PARVB: variants seen among roughly 807,000 people sequenced by gnomAD.
PARVB encodes beta-parvin.
In PARVB, 46 loss-of-function variants were observed where a neutral mutation model predicts 47.0. The observed-to-expected ratio is 0.98, with a 90% confidence interval of 0.77 to 1.25. PARVB has a LOEUF of 1.25. PARVB is among the 50% of genes most tolerant of loss of function. PARVB has a pLI of 0.00. For missense variants in PARVB, 473 were observed against 471.6 expected, an observed-to-expected ratio of 1.00 and a Z score of -0.03; for synonymous variants, 196 against 196.3, an observed-to-expected ratio of 1.00 and a Z score of 0.01.
intron 1 of PARVB, among the ~76,000 whole-genome samples, chr22:44,061,917 A>G (rs901772700): frequency 9.2e-5 from 14 of 152,144 alleles, no homozygotes; most frequent in African/African-American, 3.1e-4. Flanking sequence ...ACACCCAGTC[A>G]GATTCTTTGC....
At chr22:44,102,305 A>T (rs1302164630) in intron 3 of PARVB, among the ~76,000 whole-genome samples, 1 of 152,162 alleles carries the variant, frequency 6.6e-6, no homozygotes, top group Non-Finnish European at 1.5e-5. Context: ...TCAAATGCTC[A>T]TCTCCTCTGA....
intron 4 of PARVB, among the ~76,000 whole-genome samples, chr22:44,127,780 C>T (rs2053220620): frequency 3.0e-5 from 1 of 32,794 alleles, no homozygotes; most frequent in Non-Finnish European, 6.9e-5. Context: ...TGAGGAGTCC[C>T]TCTTCTTTTT....
chr22:44,006,232 C>T (rs1373378720), intron 2 of PARVB, among the ~76,000 whole-genome samples: 1 of 152,200 alleles, frequency 6.6e-6, no homozygotes, highest in Non-Finnish European at 1.5e-5. Flanking sequence ...ATTACAGGCA[C>T]AAGGCACCAC....
At chr22:44,165,970 G>C (rs938259662) in intron 12 of PARVB, among the ~76,000 whole-genome samples, 17 of 152,192 alleles carry the variant, frequency 1.1e-4, no homozygotes, top group African/African-American at 4.1e-4. Flanking sequence ...GCTTGGCTGG[G>C]GCTTCCTTTA....
chr22:44,048,648 G>A (rs1209388062), intron 1 of PARVB, among the ~76,000 whole-genome samples: 1 of 152,108 alleles, frequency 6.6e-6, no homozygotes, highest in Non-Finnish European at 1.5e-5. Flanking sequence ...TGTAACCTCC[G>A]CCTCCAGGCT....
chr22:44,020,673 G>A (rs2050636573), upstream of PARVB, among the ~76,000 whole-genome samples: 1 of 152,154 alleles, frequency 6.6e-6, no homozygotes, highest in African/African-American at 2.4e-5. Context: ...GGAAGAGACT[G>A]GTAGGGCAAG....
intron 1 of PARVB, among the ~76,000 whole-genome samples, chr22:44,081,819 GT>G (rs2051907735): frequency 6.6e-6 from 1 of 152,116 alleles, no homozygotes; most frequent in Non-Finnish European, 1.5e-5. Flanking sequence ...TTTCTTTTGG[GT>G]TTCACACCCT....
chr22:44,002,796 A>G (rs577930789), intron 2 of PARVB, among the ~76,000 whole-genome samples: 4 of 152,080 alleles, frequency 2.6e-5, no homozygotes, highest in Admixed American at 6.5e-5. Flanking sequence ...TGTTTTCAAG[A>G]ATGAAAAATG....
chr22:44,126,124 G>C (rs1347398125), intron 4 of PARVB, among the ~76,000 whole-genome samples: 1 of 152,186 alleles, frequency 6.6e-6, no homozygotes, highest in Non-Finnish European at 1.5e-5. Context: ...AGGCTGCAGT[G>C]TACGTGTGAA....
At chr22:44,127,218 C>CAAGTGGT (rs1344026495) in intron 4 of PARVB, among the ~76,000 whole-genome samples, 1 of 151,378 alleles carries the variant, frequency 6.6e-6, no homozygotes, top group Non-Finnish European at 1.5e-5. Context: ...TCTAAAATCT[C>CAAGTGGT]TTGAGTGTCA....
chr22:44,054,993 A>C (rs1481348885), intron 1 of PARVB, among the ~76,000 whole-genome samples: 1 of 98,322 alleles, frequency 1.0e-5, no homozygotes, highest in East Asian at 2.7e-4. Flanking sequence ...TCCATCTCAA[A>C]AAAAAAAAAA....
At chr22:44,122,487 CAAGAGAGAGA>C (rs1569134070) in intron 4 of PARVB, among the ~76,000 whole-genome samples, 1 of 64,412 alleles carries the variant, frequency 1.6e-5, no homozygotes, top group African/African-American at 5.7e-5. Context: ...CCCTGTCGAT[CAAGAGAGAGA>C]GAGAGAGAGA....
intron 10 of PARVB, 82 bp downstream of exon 10, chr22:44,151,633 C>A: frequency 9.2e-7 from 1 of 1,089,146 alleles, no homozygotes; most frequent in Non-Finnish European, 1.4e-6. Flanking sequence ...GGCGCGTGAA[C>A]AAAGCTGGCG....
At chr22:44,156,804 G>A (rs551521396) in intron 10 of PARVB, among the ~76,000 whole-genome samples, 19 of 152,254 alleles carry the variant, frequency 1.2e-4, no homozygotes, top group African/African-American at 3.4e-4. Context: ...TTCCACTTAC[G>A]TGAGATACCC....
At chr22:44,118,315 T>C (rs1186423042) in intron 3 of PARVB, among the ~76,000 whole-genome samples, 2 of 152,190 alleles carry the variant, frequency 1.3e-5, no homozygotes, top group Non-Finnish European at 2.9e-5. Context: ...AGGGCAGACA[T>C]CATCGGCTCC....
chr22:44,024,445 C>T lies in PARVB; in HGVS notation c.106C>T (p.Arg36Cys). ...CACCCTGGCCAGGAAGCGGAGGGCG[C>T]GCGAGGGTGAGTGCGCGCCCGCGCC... ...GGTLARKRRA[R>C]EVSDLQEEGK... Residue 36 changes from arginine to cysteine, a missense_variant, in exon 1 of 13, where the codon CGC (arginine) becomes TGC (cysteine). Coordinates refer to ENST00000338758, the MANE Select transcript of PARVB (RefSeq NM_013327.5). 8.4e-7 allele frequency: 1 copy of T among 1,184,714 alleles called. No individual in the cohort carries two copies. The highest frequency in any genetic ancestry group is 1.0e-6 in the Non-Finnish European group (1 of 952,638). 73.4% of individuals were successfully genotyped at this position (1,184,714 alleles called of 1,614,324 possible).
chr22:44,117,696 T>C (rs2052940950), intron 3 of PARVB, among the ~76,000 whole-genome samples: 1 of 152,252 alleles, frequency 6.6e-6, no homozygotes, highest in Non-Finnish European at 1.5e-5. Context: ...GAAATTTGCC[T>C]TGTGGCCAAT....
intron 2 of PARVB, among the ~76,000 whole-genome samples, chr22:44,013,367 C>T (rs545500168): frequency 4.8e-4 from 73 of 152,332 alleles, no homozygotes; most frequent in South Asian, 2.1e-4. Flanking sequence ...GAAATGCACA[C>T]GTTTCAGTGG....
intron 1 of PARVB, among the ~76,000 whole-genome samples, chr22:44,070,649 G>A (rs1335994930): frequency 6.6e-6 from 1 of 152,182 alleles, no homozygotes; most frequent in Non-Finnish European, 1.5e-5. Context: ...TGAATGCTGG[G>A]CATCTCTTAG....
Sources: gnomAD v4.1 joint callset for allele counts (sites outside exome capture counted in the v4.1 genomes callset) on GRCh38, gnomAD v4.1.1 for gene constraint, MANE v1.5 for transcripts, NCBI Gene and HGNC (gene_info 2026-07-23, HGNC 2026-07-21) for gene names.